Variants in A3GALT2 observed in about 807,000 individuals in gnomAD.
A3GALT2 encodes the protein alpha-1,3-galactosyltransferase 2.
In A3GALT2, 14 loss-of-function variants were observed where a neutral mutation model predicts 16.6. That is an observed-to-expected ratio of 0.84 (90% confidence interval 0.56 to 1.32). The LOEUF (loss-of-function observed/expected upper bound fraction) is 1.32. Among genes scored for constraint, A3GALT2 ranks in the 40% most tolerant of loss-of-function variants. The probability of loss-of-function intolerance (pLI) is 0.00; values close to 1 mark genes in which losing one functional copy is unlikely to be tolerated. For synonymous variants in A3GALT2, 253 were observed against 218.0 expected (o/e 1.16, Z -1.42); for missense variants, 600 against 490.9 (o/e 1.22, Z -2.10).
Position 33,307,091 on chromosome 1 carries a change from G to A in A3GALT2, c.698C>T (p.Pro233Leu). 6.6e-7 allele frequency: 1 copy of A among 1,525,536 alleles called. No individual in the cohort carries two copies. Among genetic ancestry groups the A allele is most frequent in the East Asian group, 2.6e-5 (1 of 38,456 alleles). The allele number at this position is 1,525,536 out of a possible 1,614,324, so 94.5% of individuals were successfully genotyped here. A position where few individuals can be genotyped will look rare whatever the true frequency, so the allele number is the denominator to read the frequency against. The change falls in exon 5 of 5, where the codon CCC (proline) becomes CTC (leucine). Residue 233 changes from proline (P) to leucine (L), a missense_variant. Transcript: ENST00000442999. ...WHYHWPSWLL[P>L]FERDAHSAAA... ...GGCCGAATGCGCGTCGCGTTCGAAG[G>A]GCAGCAGCCACGACGGCCAGTGGTA...
Position 33,307,315 on chromosome 1 carries a change from C to A in A3GALT2, c.474G>T (p.Leu158=), listed in dbSNP as rs774183636. Reference sequence around the variant, plus strand: ...GCTCGCGCGCCACGCGCTCCACGGGCAGCCGGCGTCCCGGGCCCAGCGCCA... The same window carrying A: ...GCTCGCGCGCCACGCGCTCCACGGGAAGCCGGCGTCCCGGGCCCAGCGCCA... ...PRVALGPGRR[L]PVERVARERR... is the part of the protein sequence containing the mutation. Residue 158 remains leucine (L), a synonymous_variant, in exon 5 of 5, where the codon CTG becomes CTT. Transcript: ENST00000442999. 2 of 1,499,956 alleles carry A rather than the reference C, an allele frequency of 1.3e-6. No individual in the cohort carries two copies. The highest frequency in any genetic ancestry group is 1.8e-6 in the Non-Finnish European group (2 of 1,134,924). The allele number at this position is 1,499,956 out of a possible 1,614,324, so 92.9% of individuals were successfully genotyped here.
Position 33,312,563 on chromosome 1 carries a change from G to A in A3GALT2, c.135C>T (p.Gly45=), listed in dbSNP as rs376639081. Residue 45 remains glycine, a synonymous_variant, in exon 3 of 5, where the codon GGC becomes GGT. Transcript: ENST00000442999. ...GGGACATTGTGGCCGAAGGGCAGAC[G>A]CCCATGGGGATGAGGGCTTCCAGAT... ...FRHLEALIPM[G]VCPSATMSQL... is the part of the protein sequence containing the mutation. The A allele has an allele frequency of 8.6e-5, 137 of 1,600,274 alleles. No individual in the cohort carries two copies. In the African/African-American group the frequency reaches 1.5e-3, roughly 18 times the overall value.
intron 4 of A3GALT2, among the ~76,000 whole-genome samples, chr1:33,309,050 A>G (rs1443464624): frequency 2.6e-5 from 4 of 151,688 alleles, no homozygotes; most frequent in Non-Finnish European, 5.9e-5. Context: ...CCCTGAGTGG[A>G]CACAGCACAT....
Position 33,312,336 on chromosome 1 carries a change from G to A in A3GALT2, c.198-147C>T, listed in dbSNP as rs911523514. On this transcript the variant is annotated intron_variant, in intron 3 of 4. Transcript: ENST00000442999. The stretch of plus-strand genomic sequence containing the variant: ...TGCCCCTGGAAGCCTCCAGCTCAGA[G>A]CAACACAGAGGACTGGGAGATGTGT... 3.0e-6 allele frequency: 4 copies of A among 1,350,730 alleles called. No individual in the cohort carries two copies. In the African/African-American group the frequency reaches 5.8e-5, roughly 20 times the overall value. The allele number at this position is 1,350,730 out of a possible 1,614,324, so 83.7% of individuals were successfully genotyped here.
chr1:33,308,750 G>GTTTTTTTTTTTTTTTTTTTTTTTTT (rs56655319), intron 4 of A3GALT2, among the ~76,000 whole-genome samples: 5 of 46,124 alleles, frequency 1.1e-4, no homozygotes, highest in African/African-American at 3.7e-4. Flanking sequence ...TGTCAAAGTT[G>GTTTTTTTTTTTTTTTTTTTTTTTTT]TTTTTTTTTT....
At chr1:33,312,783 A>C (rs762884384) in intron 2 of A3GALT2, 24 bp downstream of exon 2, 1 of 1,581,154 alleles carries the variant, frequency 6.3e-7, no homozygotes, top group Non-Finnish European at 8.6e-7. Context: ...TCCTACCTCA[A>C]GTGCTGGGGA....
rs576702733 is a variant in A3GALT2, at chr1:33,318,822, A to G, written c.23+2254T>C. ...CAGACCTCTCCTCCAGTACCTGCCA[A>G]GCGATGCTAGGGACTGTCTGCCTCA... On this transcript the variant is annotated intron_variant, in intron 1 of 4. Transcript: ENST00000442999. Among the ~76,000 whole-genome samples the G allele has an allele frequency of 2.6e-5, 4 of 152,214 alleles. No homozygotes were observed. In the East Asian group the frequency reaches 5.8e-4, roughly 22 times the overall value.
Position 33,307,277 on chromosome 1 carries a change from T to C in A3GALT2, c.512A>G (p.Asp171Gly), listed in dbSNP as rs777867517. 7 of 1,451,048 alleles carry C rather than the reference T, an allele frequency of 4.8e-6. No homozygotes were observed. The highest frequency in any genetic ancestry group is 6.3e-6 in the Non-Finnish European group (7 of 1,107,174). 89.9% of individuals were successfully genotyped at this position (1,451,048 alleles called of 1,614,324 possible). ...CGTGCGCATGCGCGCCATCGACACGTCTTGCCAGCGCCGCTCGCGCGCCAC... is the reference window on the plus strand; with the variant it reads ...CGTGCGCATGCGCGCCATCGACACGCCTTGCCAGCGCCGCTCGCGCGCCAC... ...ERVARERRWQ[D>G]VSMARMRTLH... is the part of the protein sequence containing the mutation. Residue 171 changes from aspartate (D) to glycine (G), a missense_variant, in exon 5 of 5, where the codon GAC becomes GGC. Physicochemically the swap from Asp to Gly is moderately conservative, Grantham distance 94 (BLOSUM62 -1). Coordinates refer to ENST00000442999, the MANE Select transcript of A3GALT2 (RefSeq NM_001080438.1).
chr1:33,308,669 A>AGTGC (rs1234456279), intron 4 of A3GALT2, among the ~76,000 whole-genome samples: 1 of 150,186 alleles, frequency 6.7e-6, no homozygotes, highest in African/African-American at 2.5e-5. Flanking sequence ...GGCCTCCCAA[A>AGTGC]GTGCTGGGAT....
At chr1:33,319,265 C>T (rs1355985644) in intron 1 of A3GALT2, among the ~76,000 whole-genome samples, 1 of 152,206 alleles carries the variant, frequency 6.6e-6, no homozygotes, top group Non-Finnish European at 1.5e-5. Flanking sequence ...CAAACTGCAG[C>T]TTGAGAAGCA....
At position 33,306,803 on chromosome 1, in the gene A3GALT2, A is replaced by G. The variant is rs997493871; in HGVS notation, c.986T>C (p.Leu329Pro). ...CAGCCGGTACCCCTTGGGCGCCCACAGCAGTCGCGGGCGGCGGATCTCGGC... is the reference window on the plus strand; with the variant it reads ...CAGCCGGTACCCCTTGGGCGCCCACGGCAGTCGCGGGCGGCGGATCTCGGC... ...PRAEIRRPRLLWAPKGYRLLR... is the reference protein window; with the variant it reads ...PRAEIRRPRLPWAPKGYRLLR... Residue 329 changes from leucine to proline, a missense_variant, in exon 5 of 5, where the codon CTG (leucine) becomes CCG (proline). By Grantham distance (98) the Leu-to-Pro change is moderately conservative (BLOSUM62 -3). Coordinates refer to ENST00000442999, the MANE Select transcript of A3GALT2 (RefSeq NM_001080438.1). 4.1e-6 allele frequency: 6 copies of G among 1,462,430 alleles called. No homozygotes were observed. Among genetic ancestry groups the G allele is most frequent in the Non-Finnish European group, 5.4e-6 (6 of 1,114,482 alleles). The allele number at this position is 1,462,430 out of a possible 1,614,324, so 90.6% of individuals were successfully genotyped here.
chr1:33,307,093 C>G lies in A3GALT2; in HGVS notation c.696G>C (p.Leu232=), dbSNP rs1440699429. ...SWHYHWPSWL[L]PFERDAHSAA... is the part of the protein sequence containing the mutation. ...CCGAATGCGCGTCGCGTTCGAAGGG[C>G]AGCAGCCACGACGGCCAGTGGTAGT... Residue 232 remains leucine, a synonymous_variant, in exon 5 of 5, where the codon CTG becomes CTC. Coordinates refer to ENST00000442999, the MANE Select transcript of A3GALT2 (RefSeq NM_001080438.1). The G allele has an allele frequency of 6.6e-7, 1 of 1,526,270 alleles. No individual in the cohort carries two copies. 94.5% of individuals were successfully genotyped at this position (1,526,270 alleles called of 1,614,324 possible).
chr1:33,310,073 G>A (rs575514422), intron 4 of A3GALT2, among the ~76,000 whole-genome samples: 2 of 152,386 alleles, frequency 1.3e-5, no homozygotes, highest in East Asian at 1.9e-4. Flanking sequence ...AGGCCGAGGC[G>A]GGCAGATCAC....
intron 4 of A3GALT2, 104 bp from the exon 5 acceptor site, chr1:33,307,557 AC>A: frequency 8.4e-6 from 5 of 592,862 alleles, no homozygotes; most frequent in Non-Finnish European, 1.0e-5. Context: ...CCCCACTCCC[AC>A]CCCACCCTCA....
chr1:33,312,525 T>C lies in A3GALT2; in HGVS notation c.173A>G (p.Asn58Ser), dbSNP rs770437178. Residue 58 changes from asparagine (N) to serine (S), a missense_variant, in exon 3 of 5, where the codon AAC becomes AGC. Physicochemically the swap from Asn to Ser is conservative, Grantham distance 46 (BLOSUM62 1). Coordinates refer to ENST00000442999, the MANE Select transcript of A3GALT2 (RefSeq NM_001080438.1). The part of the protein sequence containing the change: ...PSATMSQLRD[N>S]FTGALRPWAR... ...CCAGGGACGCAGGGCACCTGTGAAG[T>C]TGTCTCTCAGCTGGGACATTGTGGC... 1.2e-6 allele frequency: 2 copies of C among 1,601,860 alleles called. No individual in the cohort carries two copies. The highest frequency in any genetic ancestry group is 1.7e-6 in the Non-Finnish European group (2 of 1,173,634).
chr1:33,309,261 T>C (rs1264529157), intron 4 of A3GALT2, among the ~76,000 whole-genome samples: 9 of 152,232 alleles, frequency 5.9e-5, no homozygotes, highest in Admixed American at 6.5e-5. Context: ...CATCATGGCC[T>C]GTTCTCAATG....
In A3GALT2 at chr1:33,307,378, G is replaced by A. The variant is rs549651107; in HGVS notation, c.411C>T (p.Tyr137=). The A allele has an allele frequency of 6.4e-7, 1 of 1,564,550 alleles. No individual in the cohort carries two copies. The highest frequency in any genetic ancestry group is 8.6e-7 in the Non-Finnish European group (1 of 1,162,048). ...CTCCCGGAAGCTCGGTGAACACGTA[G>A]TACATCACGCTCTGGCCCGCCATGA... ...QHFMAGQSVM[Y]YVFTELPGAV... is the part of the protein sequence containing the mutation. Residue 137 remains tyrosine, a synonymous_variant, in exon 5 of 5, where the codon TAC becomes TAT. Coordinates refer to ENST00000442999, the MANE Select transcript of A3GALT2 (RefSeq NM_001080438.1).
intron 4 of A3GALT2, among the ~76,000 whole-genome samples, chr1:33,308,648 C>G (rs1401997772): frequency 6.6e-6 from 1 of 151,516 alleles, no homozygotes; most frequent in Admixed American, 6.6e-5. Context: ...TCAGGTGATC[C>G]TCCCGTCTCG....
At chr1:33,314,307 C>T (rs893704863) in intron 1 of A3GALT2, 1 of 152,252 alleles carries the variant, frequency 6.6e-6, no homozygotes, top group Non-Finnish European at 1.5e-5. Context: ...CGGTGATCCA[C>T]CCACCTCGGC....
Sources: gnomAD v4.1 joint callset for allele counts (sites outside exome capture counted in the v4.1 genomes callset) on GRCh38, gnomAD v4.1.1 for gene constraint, MANE v1.5 for transcripts, NCBI Gene and HGNC (gene_info 2026-07-23, HGNC 2026-07-21) for gene names.